Variants in SLF2 observed in about 807,000 individuals in gnomAD.
The protein encoded by SLF2 is SMC5-SMC6 complex localization factor protein 2.
SLF2 carries 68 observed loss-of-function variants against 124.3 expected under a neutral mutation model. The ratio of observed to expected loss-of-function variants is 0.55; its 90% CI spans 0.45 to 0.67. SLF2 has a LOEUF of 0.67. Ranked by LOEUF, SLF2 falls within the 30% of genes least tolerant of loss-of-function variation. The probability of loss-of-function intolerance (pLI) is 0.00; values close to 1 mark genes in which losing one functional copy is unlikely to be tolerated. For missense variants in SLF2, 1,246 were observed against 1,373.7 expected, an observed-to-expected ratio of 0.91 and a Z score of 1.47; for synonymous variants, 480 against 478.8, an observed-to-expected ratio of 1.00 and a Z score of -0.03.
At chr10:100,931,295 G>A (rs1392962988) in intron 9 of SLF2, among the ~76,000 whole-genome samples, 1 of 152,160 alleles carries the variant, frequency 6.6e-6, no homozygotes, top group Non-Finnish European at 1.5e-5. Context: ...TGTTAGTTGT[G>A]CCTGAACCCT....
chr10:100,914,312 G>T (rs201674583), intron 1 of SLF2, among the ~76,000 whole-genome samples: 52 of 53,852 alleles, frequency 9.7e-4, no homozygotes, highest in African/African-American at 1.4e-3. Flanking sequence ...GTGTGTGTGT[G>T]TTTTTTTTTA....
At chr10:100,954,876 T>G (rs1850295269) in intron 17 of SLF2, among the ~76,000 whole-genome samples, 1 of 151,720 alleles carries the variant, frequency 6.6e-6, no homozygotes, top group Non-Finnish European at 1.5e-5. Flanking sequence ...AGCCTATGAG[T>G]TCAAAGGTGC....
In SLF2 at chr10:100,962,015, A is replaced by G; in HGVS notation, c.*103A>G. The G allele has an allele frequency of 9.2e-7, 1 of 1,083,760 alleles. No homozygotes were observed. Among genetic ancestry groups the G allele is most frequent in the Non-Finnish European group, 1.3e-6 (1 of 748,466 alleles). 67.1% of individuals were successfully genotyped at this position (1,083,760 alleles called of 1,614,324 possible). The stretch of plus-strand genomic sequence containing the variant: ...ACAGAATCCAATGAATGCCAAGAAA[A>G]TGTACAGCAAATGTGCCACTTGAAT... On this transcript the variant is annotated 3_prime_UTR_variant, in exon 20 of 20. Coordinates refer to ENST00000238961, the MANE Select transcript of SLF2 (RefSeq NM_018121.4).
intron 17 of SLF2, among the ~76,000 whole-genome samples, chr10:100,953,645 CT>C (rs1850266475): frequency 6.6e-6 from 1 of 151,510 alleles, no homozygotes. Context: ...TTTTTTTCCT[CT>C]TTAAAAAAAA....
chr10:100,963,408 A>G lies in SLF2; in HGVS notation c.*1496A>G, dbSNP rs1364206971. Reference sequence around the variant, plus strand: ...AGAACCTAAACTGATTGAGGCTCCAAGAGTCAGACCAACAAAAGTTTTATT... The same window carrying G: ...AGAACCTAAACTGATTGAGGCTCCAGGAGTCAGACCAACAAAAGTTTTATT... On this transcript the variant is annotated 3_prime_UTR_variant, in exon 20 of 20. Transcript: ENST00000238961. The G allele has an allele frequency of 6.6e-6, 1 of 152,624 alleles. No homozygotes were observed. The highest frequency in any genetic ancestry group is 1.9e-4 in the East Asian group (1 of 5,198). 9.5% of individuals were successfully genotyped at this position (152,624 alleles called of 1,614,324 possible). A position where few individuals can be genotyped will look rare whatever the true frequency, so the allele number is the denominator to read the frequency against.
At chr10:100,935,271 T>A (rs1055805574) in intron 9 of SLF2, among the ~76,000 whole-genome samples, 3 of 152,052 alleles carry the variant, frequency 2.0e-5, no homozygotes, top group Non-Finnish European at 4.4e-5. Flanking sequence ...GGTGGGTGCC[T>A]GTAATCCCAG....
rs754501968 is a variant in SLF2, at chr10:100,945,456, C to G, written c.2884C>G (p.Gln962Glu). ...QLKQIPLVDF[Q>E]SLLINLMKNI... ...GAAACAGATTCCTTTAGTAGACTTT[C>G]AAAGCCTCCTGATAAACCTGATGAA... The change falls in exon 13 of 20, where the codon CAA becomes GAA. Residue 962 changes from glutamine (Q) to glutamate (E), a missense_variant. By Grantham distance (29) the Gln-to-Glu change is conservative (BLOSUM62 2). Coordinates refer to ENST00000238961, the MANE Select transcript of SLF2 (RefSeq NM_018121.4). 1 of 1,590,352 alleles carries G rather than the reference C, an allele frequency of 6.3e-7. No individual in the cohort carries two copies. Among genetic ancestry groups the G allele is most frequent in the South Asian group, 1.2e-5 (1 of 85,502 alleles).
At chr10:100,941,952 T>C (rs1448416161) in intron 11 of SLF2, among the ~76,000 whole-genome samples, 1 of 152,182 alleles carries the variant, frequency 6.6e-6, no homozygotes, top group African/African-American at 2.4e-5. Context: ...ATCTCCAAGA[T>C]ACATTGCTAA....
In SLF2 at chr10:100,963,226, TA is replaced by T. The variant is rs1341603368; in HGVS notation, c.*1318del. 1 of 152,506 alleles carries T rather than the reference TA, an allele frequency of 6.6e-6. No individual in the cohort carries two copies. The highest frequency in any genetic ancestry group is 1.5e-5 in the Non-Finnish European group (1 of 68,016). 9.4% of individuals were successfully genotyped at this position (152,506 alleles called of 1,614,324 possible). A position where few individuals can be genotyped will look rare whatever the true frequency, so the allele number is the denominator to read the frequency against. ...GTTTGCGGTTTGAGAGGCAAGAAAA[TA>T]AAATAACTTTCTACCTCTAAATTGA... On this transcript the variant is annotated 3_prime_UTR_variant, in exon 20 of 20. Transcript: ENST00000238961.
intron 9 of SLF2, among the ~76,000 whole-genome samples, chr10:100,931,716 A>G (rs1270846068): frequency 2.0e-5 from 3 of 152,136 alleles, no homozygotes. Flanking sequence ...TGTATCAGCC[A>G]GGAGTGGTGG....
At chr10:100,953,984 C>T (rs1375962196) in intron 17 of SLF2, among the ~76,000 whole-genome samples, 2 of 151,862 alleles carry the variant, frequency 1.3e-5, no homozygotes, top group African/African-American at 4.8e-5. Flanking sequence ...TGGCTGGGCG[C>T]AGTGGCTCAC....
At chr10:100,915,386 T>G (rs1376075802) in intron 1 of SLF2, among the ~76,000 whole-genome samples, 1 of 152,168 alleles carries the variant, frequency 6.6e-6, no homozygotes, top group Non-Finnish European at 1.5e-5. Context: ...ATTTTTCTTT[T>G]CTGCCCTTGT....
chr10:100,953,378 ATCC>A (rs964870322), intron 17 of SLF2, among the ~76,000 whole-genome samples: 8 of 150,494 alleles, frequency 5.3e-5, no homozygotes, highest in African/African-American at 1.7e-4. Flanking sequence ...CATGCCTGTA[ATCC>A]CAGCACTTTG....
chr10:100,919,679 G>T (rs1849491326), intron 4 of SLF2, among the ~76,000 whole-genome samples: 1 of 152,134 alleles, frequency 6.6e-6, no homozygotes, highest in African/African-American at 2.4e-5. Context: ...TTTTTTTCCT[G>T]ATGTGACTAT....
At chr10:100,940,211 G>A (rs1260751926) in intron 11 of SLF2, among the ~76,000 whole-genome samples, 1 of 152,158 alleles carries the variant, frequency 6.6e-6, no homozygotes, top group East Asian at 1.9e-4. Flanking sequence ...GTACAGTAGT[G>A]GAAATAAACT....
In SLF2 at chr10:100,916,946, T is replaced by C. The variant is rs779861433; in HGVS notation, c.561T>C (p.Asp187=). ...TTCATGAAAATAATGAGAAGAATGA[T>C]AGAGATCGAGGCAAAACCAATGCAG... ...LFIHENNEKN[D]RDRGKTNADS... The change falls in exon 3 of 20, where the codon GAT becomes GAC. Residue 187 remains aspartate, a synonymous_variant. Transcript: ENST00000238961. The C allele has an allele frequency of 6.2e-7, 1 of 1,614,032 alleles. No individual in the cohort carries two copies. Among genetic ancestry groups the C allele is most frequent in the Non-Finnish European group, 8.5e-7 (1 of 1,180,050 alleles).
At chr10:100,944,910 A>G (rs988988635) in intron 12 of SLF2, among the ~76,000 whole-genome samples, 1 of 152,122 alleles carries the variant, frequency 6.6e-6, no homozygotes, top group African/African-American at 2.4e-5. Context: ...GGTGCCTGTT[A>G]TCCCAGCTAC....
intron 19 of SLF2, 85 bp downstream of exon 19, chr10:100,959,581 T>C (rs1458512460): frequency 2.0e-6 from 3 of 1,522,504 alleles, no homozygotes; most frequent in South Asian, 1.3e-5. Flanking sequence ...AAATAGGGTA[T>C]AACAGTGCAC....
At position 100,929,056 on chromosome 10, in the gene SLF2, A is replaced by G. The variant is rs1849674941; in HGVS notation, c.2043-261A>G. Among the ~76,000 whole-genome samples the G allele has an allele frequency of 3.3e-5, 5 of 152,210 alleles. No individual in the cohort carries two copies. The South Asian group carries it at 1.0e-3, about 31-fold the overall frequency. On this transcript the variant is annotated intron_variant, in intron 6 of 19. Coordinates refer to ENST00000238961, the MANE Select transcript of SLF2 (RefSeq NM_018121.4). ...AGTTCTAGCTTTATGGAAATCCTCA[A>G]GTCTTTTATGCAGTGGAACACTATT...
Sources: gnomAD v4.1 joint callset for allele counts (sites outside exome capture counted in the v4.1 genomes callset) on GRCh38, gnomAD v4.1.1 for gene constraint, MANE v1.5 for transcripts, NCBI Gene and HGNC (gene_info 2026-07-23, HGNC 2026-07-21) for gene names.